The following IKBKB variants were observed in gnomAD, a reference collection of about 807,000 sequenced individuals.
The protein encoded by IKBKB is inhibitor of nuclear factor kappa B kinase subunit beta, also known as inhibitor of nuclear factor kappa-B kinase subunit beta.
Under a neutral mutation model 113.6 loss-of-function variants are expected in IKBKB, and 42 were observed. The ratio of observed to expected loss-of-function variants is 0.37; its 90% CI spans 0.29 to 0.48. The LOEUF is 0.48. Ranked by LOEUF, IKBKB falls within the 20% of genes least tolerant of loss-of-function variation. The pLI is 0.99. For missense variants in IKBKB, 673 were observed against 939.7 expected, an observed-to-expected ratio of 0.72 and a Z score of 3.71; for synonymous variants, 296 against 361.3, an observed-to-expected ratio of 0.82 and a Z score of 2.05.
intron 19 of IKBKB, chr8:42,325,609 G>A: frequency 2.2e-6 from 2 of 925,634 alleles, no homozygotes; most frequent in Non-Finnish European, 1.3e-6. Context: ...AACCCCGGAG[G>A]TGGAGGTTGC....
intron 5 of IKBKB, among the ~76,000 whole-genome samples, chr8:42,295,106 T>C (rs1249487839): frequency 6.6e-6 from 1 of 151,858 alleles, no homozygotes; most frequent in Non-Finnish European, 1.5e-5. Context: ...CAAGTAGTTA[T>C]TACGAAAGTC....
chr8:42,312,392 G>A (rs1033565367), intron 8 of IKBKB, among the ~76,000 whole-genome samples: 5 of 152,174 alleles, frequency 3.3e-5, no homozygotes, highest in African/African-American at 1.2e-4. Flanking sequence ...AGTGCTGGAG[G>A]ACCAGGTGGC....
intron 5 of IKBKB, among the ~76,000 whole-genome samples, chr8:42,303,578 C>G (rs1389977839): frequency 6.6e-6 from 1 of 151,836 alleles, no homozygotes; most frequent in Non-Finnish European, 1.5e-5. Context: ...GATCTCGGCT[C>G]ACTGCAACCT....
intron 5 of IKBKB, 97 bp downstream of exon 5, chr8:42,293,609 T>G (rs1469019413): frequency 6.2e-7 from 1 of 1,601,596 alleles, no homozygotes. Context: ...ACTTCAATCC[T>G]TTGGTCTCTG....
In IKBKB at chr8:42,329,203, C is replaced by T; in HGVS notation, c.2194C>T (p.Gln732Ter). The T allele has an allele frequency of 6.3e-7, 1 of 1,590,024 alleles. No individual in the cohort carries two copies. The highest frequency in any genetic ancestry group is 1.4e-5 in the African/African-American group (1 of 73,526). Residue 732 changes from glutamine (Q) to a stop codon, truncating the protein, a stop_gained, in exon 21 of 22, where the codon CAG becomes TAG. Coordinates refer to ENST00000520810, the MANE Select transcript of IKBKB (RefSeq NM_001556.3). LOFTEE classifies it high-confidence loss of function. ...AIQDTVREQD[Q>*]SFTALDWSWL... ...ACAGGACACTGTGAGGGAACAAGAC[C>T]AGAGTTTCACGGTAACAGCTTGTGT...
At position 42,316,863 on chromosome 8, in the gene IKBKB, A is replaced by G. The variant is rs1263837874; in HGVS notation, c.1084A>G (p.Ile362Val). The change falls in exon 11 of 22, where the codon ATC (isoleucine) becomes GTC (valine). Residue 362 changes from isoleucine to valine, a missense_variant. Around this residue, in one of 2 missense-constraint regions of IKBKB, gnomAD observed 506 missense variants for 638.7 expected, o/e 0.79. Transcript: ENST00000520810. The surrounding 1 kb of genome is among the most constrained non-coding windows in gnomAD (Gnocchi z 4.5). ...GCTGCAGGAAGCGGGCCTGGCGTTGATCCCCGATAAGCCTGCCACTCAGTG... is the reference window on the plus strand; with the variant it reads ...GCTGCAGGAAGCGGGCCTGGCGTTGGTCCCCGATAAGCCTGCCACTCAGTG... ...ELLQEAGLALIPDKPATQCIS... is the reference protein window; with the variant it reads ...ELLQEAGLALVPDKPATQCIS... 1.9e-6 allele frequency: 3 copies of G among 1,614,004 alleles called. No individual in the cohort carries two copies. Among genetic ancestry groups the G allele is most frequent in the Non-Finnish European group, 2.5e-6 (3 of 1,180,032 alleles).
At chr8:42,271,520 C>T in intron 1 of IKBKB, 51 bp downstream of exon 1, 1 of 642,812 alleles carries the variant, frequency 1.6e-6, no homozygotes, top group Non-Finnish European at 2.6e-6. Context: ...GGCCCCGCCG[C>T]CCCGCTGCCT....
intron 13 of IKBKB, 55 bp from the exon 14 acceptor site, chr8:42,319,215 A>C (rs1489125829): frequency 2.6e-6 from 4 of 1,555,240 alleles, no homozygotes; most frequent in Non-Finnish European, 3.5e-6. Flanking sequence ...ATTGTACAGG[A>C]AATGGAATTT....
intron 7 of IKBKB, 30 bp downstream of exon 7, chr8:42,306,462 T>A: frequency 7.0e-7 from 1 of 1,419,148 alleles, no homozygotes; most frequent in Non-Finnish European, 1.0e-6. Context: ...TGTTTGCCTG[T>A]CAGCTCCTCC....
intron 2 of IKBKB, among the ~76,000 whole-genome samples, chr8:42,275,278 C>T (rs1474234990): frequency 6.6e-6 from 1 of 151,944 alleles, no homozygotes; most frequent in Non-Finnish European, 1.5e-5. Flanking sequence ...GCCTTGACCT[C>T]CTGGGCTCAA....
chr8:42,323,256 C>T (rs1820112055), intron 19 of IKBKB, among the ~76,000 whole-genome samples: 1 of 152,110 alleles, frequency 6.6e-6, no homozygotes, highest in South Asian at 2.1e-4. Context: ...TGGGCATATC[C>T]TTCTTAGGGC....
At chr8:42,271,991 A>G (rs531826321) in intron 1 of IKBKB, 92 bp from the exon 2 acceptor site, 4 of 1,268,500 alleles carry the variant, frequency 3.2e-6, no homozygotes, top group Admixed American at 2.3e-5. Flanking sequence ...TCTCCCATTC[A>G]AGAGCAGTGG....
At chr8:42,317,400 G>C (rs1818902272) in intron 11 of IKBKB, among the ~76,000 whole-genome samples, 1 of 152,148 alleles carries the variant, frequency 6.6e-6, no homozygotes, top group Non-Finnish European at 1.5e-5. Flanking sequence ...TCATTGCATA[G>C]GGAAGTATAT....
chr8:42,291,862 G>A (rs1343550983), intron 4 of IKBKB, among the ~76,000 whole-genome samples: 1 of 152,152 alleles, frequency 6.6e-6, no homozygotes, highest in African/African-American at 2.4e-5. Flanking sequence ...AGCCTGGGAG[G>A]TTGAGGCTAC....
At chr8:42,326,476 G>C (rs1820750608) in intron 20 of IKBKB, 1 of 182,618 alleles carries the variant, frequency 5.5e-6, no homozygotes, top group Non-Finnish European at 1.1e-5. Flanking sequence ...TCCTCCCGGT[G>C]CCACTGACCT....
At chr8:42,322,616 G>A (rs771647908) in intron 19 of IKBKB, 122 bp downstream of exon 19, 32 of 1,013,758 alleles carry the variant, frequency 3.2e-5, no homozygotes, top group Non-Finnish European at 4.4e-5. Context: ...CTCAGCTGCT[G>A]CTCGGGCTTC....
At chr8:42,281,082 C>T (rs1007462698) in intron 2 of IKBKB, among the ~76,000 whole-genome samples, 1 of 152,192 alleles carries the variant, frequency 6.6e-6, no homozygotes, top group African/African-American at 2.4e-5. Context: ...GCATGGATAA[C>T]AGTGGCTGCC....
chr8:42,287,716 C>T (rs1447893699), intron 2 of IKBKB, among the ~76,000 whole-genome samples: 2 of 152,202 alleles, frequency 1.3e-5, no homozygotes, highest in Admixed American at 1.3e-4. Flanking sequence ...ACAGAAGAAA[C>T]TGAGTCAGAC....
chr8:42,322,961 A>G (rs1430509704), intron 19 of IKBKB, among the ~76,000 whole-genome samples: 4 of 152,168 alleles, frequency 2.6e-5, no homozygotes, highest in Non-Finnish European at 5.9e-5. Context: ...CCAGGAGTTG[A>G]AAGTCCCGTG....
Sources: gnomAD v4.1 joint callset for allele counts (sites outside exome capture counted in the v4.1 genomes callset) on GRCh38, gnomAD v4.1.1 for gene constraint, gnomAD v4.1.1 regional missense constraint, Gnocchi (gnomAD v3.1) non-coding constraint, MANE v1.5 for transcripts, NCBI Gene and HGNC (gene_info 2026-07-23, HGNC 2026-07-21) for gene names.